The following ACYP2 variants were observed in gnomAD, a reference collection of about 807,000 sequenced individuals.
ACYP2 encodes the protein acylphosphatase 2, also known as acylphosphatase-2.
ACYP2 carries 12 observed loss-of-function variants against 11.2 expected under a neutral mutation model. The observed-to-expected ratio is 1.08, with a 90% CI of 0.69 to 1.74. The LOEUF (loss-of-function observed/expected upper bound fraction) is 1.74. Among genes scored for constraint, ACYP2 ranks in the 40% most tolerant of loss-of-function variants. The pLI, the probability that ACYP2 is intolerant of heterozygous loss-of-function variation, is 0.00. For synonymous variants in ACYP2, 43 were observed against 32.2 expected (o/e 1.33, Z -1.13); for missense variants, 134 against 101.9 (o/e 1.31, Z -1.35).
At chr2:54,141,344 G>C (rs1182234117) in intron 6 of ACYP2, among the ~76,000 whole-genome samples, 1 of 152,092 alleles carries the variant, frequency 6.6e-6, no homozygotes, top group African/African-American at 2.4e-5. Flanking sequence ...TTAAGAAACA[G>C]ATTGTAAGTG....
intron 4 of ACYP2, among the ~76,000 whole-genome samples, chr2:54,121,276 A>G (rs762081880): frequency 6.6e-6 from 1 of 152,042 alleles, no homozygotes; most frequent in Non-Finnish European, 1.5e-5. Context: ...TGGGGTTTTT[A>G]TGGGCTCAGA....
Position 54,185,560 on chromosome 2 carries a change from AT to A in ACYP2, c.404+46815del, listed in dbSNP as rs1322897653. ...ATTTTTTTAAAAAGAAACAACAAAA[AT>A]TTAGAATGAGGAATTAAAAATCCTA... On this transcript the variant is annotated intron_variant, in intron 6 of 6. Coordinates refer to ENST00000607452, the MANE Select transcript of ACYP2 (RefSeq NM_001320586.2). Among the ~76,000 whole-genome samples the A allele has an allele frequency of 2.0e-5, 3 of 152,188 alleles. No homozygotes were observed. The East Asian group carries it at 5.8e-4, about 29-fold the overall frequency.
chr2:54,293,342 T>A (rs1689392735), intron 6 of ACYP2, among the ~76,000 whole-genome samples: 1 of 152,168 alleles, frequency 6.6e-6, no homozygotes, highest in South Asian at 2.1e-4. Context: ...AAGTTACAGG[T>A]TATAGTCATC....
intron 2 of ACYP2, among the ~76,000 whole-genome samples, chr2:54,025,251 C>A (rs1323530055): frequency 1.3e-5 from 2 of 152,068 alleles, no homozygotes; most frequent in East Asian, 3.9e-4. Flanking sequence ...CATATGGAAC[C>A]AAAAAGAAAC....
intron 4 of ACYP2, among the ~76,000 whole-genome samples, chr2:54,118,946 T>G (rs777159853): frequency 8.6e-5 from 13 of 151,702 alleles, no homozygotes; most frequent in Non-Finnish European, 1.3e-4. Flanking sequence ...TCCCTGTAAC[T>G]GCAATGGTTT....
chr2:54,030,633 C>G (rs889799888), intron 2 of ACYP2: 7 of 181,686 alleles, frequency 3.9e-5, no homozygotes, highest in African/African-American at 1.4e-4. Flanking sequence ...TCTAAACGGC[C>G]TAGAGAATAT....
At chr2:54,200,521 C>T (rs576612234) in intron 6 of ACYP2, among the ~76,000 whole-genome samples, 1 of 152,200 alleles carries the variant, frequency 6.6e-6, no homozygotes, top group South Asian at 2.1e-4. Flanking sequence ...GCAATATATG[C>T]CCTTTGGTGT....
intron 2 of ACYP2, among the ~76,000 whole-genome samples, chr2:54,025,102 A>G (rs1292374276): frequency 6.6e-6 from 1 of 152,222 alleles, no homozygotes; most frequent in Non-Finnish European, 1.5e-5. Context: ...GGGACTACAT[A>G]AACAAACGGA....
intron 6 of ACYP2, among the ~76,000 whole-genome samples, chr2:54,271,026 A>G (rs938139932): frequency 7.2e-5 from 11 of 152,236 alleles, no homozygotes; most frequent in African/African-American, 2.4e-4. Context: ...GTTTGCAGAG[A>G]TGATAAAAGT....
At chr2:54,012,968 C>T (rs6715161) in intron 2 of ACYP2, among the ~76,000 whole-genome samples, 14,533 of 152,122 alleles carry the variant, frequency 0.096, 951 homozygotes, top group African/African-American at 0.18. Context: ...TACGCCAGCT[C>T]TTAGCTGTTC....
chr2:54,185,887 A>G (rs1285924235), intron 6 of ACYP2, among the ~76,000 whole-genome samples: 1 of 152,088 alleles, frequency 6.6e-6, no homozygotes, highest in East Asian at 1.9e-4. Context: ...AAGTATTTAA[A>G]ACATTATATG....
At chr2:53,987,377 A>G (rs1573452757) in intron 2 of ACYP2, among the ~76,000 whole-genome samples, 2 of 151,976 alleles carry the variant, frequency 1.3e-5, no homozygotes, top group African/African-American at 4.8e-5. Context: ...AAAAAAAGGA[A>G]GCAGTTCCAG....
chr2:54,059,244 AT>A (rs58358905), intron 4 of ACYP2, among the ~76,000 whole-genome samples: 7,060 of 148,186 alleles, frequency 0.048, 579 homozygotes, highest in African/African-American at 0.17. Flanking sequence ...TTGAGTTGGA[AT>A]TTTGCTCTTG....
chr2:53,983,292 G>A (rs1284513614), intron 2 of ACYP2, among the ~76,000 whole-genome samples: 1 of 152,148 alleles, frequency 6.6e-6, no homozygotes, highest in African/African-American at 2.4e-5. Flanking sequence ...GATCACTTGA[G>A]TCCAGGAGTT....
At chr2:54,203,409 AAT>A (rs1684937232) in intron 6 of ACYP2, among the ~76,000 whole-genome samples, 1 of 152,180 alleles carries the variant, frequency 6.6e-6, no homozygotes. Flanking sequence ...GTCATATGCA[AAT>A]AGAGATAGTT....
At chr2:54,302,153 A>T (rs900052165) in intron 6 of ACYP2, among the ~76,000 whole-genome samples, 2 of 152,220 alleles carry the variant, frequency 1.3e-5, no homozygotes, top group African/African-American at 4.8e-5. Context: ...GTCGTTGCCC[A>T]GTTCCTATGC....
intron 3 of ACYP2, among the ~76,000 whole-genome samples, chr2:54,054,693 G>A (rs894484569): frequency 6.6e-6 from 1 of 152,162 alleles, no homozygotes; most frequent in African/African-American, 2.4e-5. Context: ...CTGCAGTCTT[G>A]TTCATAAAAT....
chr2:53,985,847 C>T (rs142898446), intron 2 of ACYP2, among the ~76,000 whole-genome samples: 576 of 152,160 alleles, frequency 3.8e-3, no homozygotes, highest in Middle Eastern at 0.02. Flanking sequence ...TTAAAATAGC[C>T]TGGTTGACCA....
chr2:54,207,173 A>ATGTGTGTGTGTGTGTGTGTGTGTGTGTG (rs58920943), intron 6 of ACYP2, among the ~76,000 whole-genome samples: 4 of 138,648 alleles, frequency 2.9e-5, no homozygotes, highest in African/African-American at 5.3e-5. Flanking sequence ...CAACATGTAT[A>ATGTGTGTGTGTGTGTGTGTGTGTGTGTG]TGTGTGTGTG....
Sources: gnomAD v4.1 joint callset for allele counts (sites outside exome capture counted in the v4.1 genomes callset) on GRCh38, gnomAD v4.1.1 for gene constraint, MANE v1.5 for transcripts, NCBI Gene and HGNC (gene_info 2026-07-23, HGNC 2026-07-21) for gene names.